COL5A3: variants seen among roughly 807,000 people sequenced by gnomAD.
COL5A3 encodes the protein collagen alpha-3(V) chain.
In COL5A3, 172 loss-of-function variants were observed where a neutral mutation model predicts 250.0. That is an observed-to-expected ratio of 0.69 (90% confidence interval 0.61 to 0.78). The LOEUF (loss-of-function observed/expected upper bound fraction) is 0.78, where lower values mean the gene tolerates loss of function less well. Ranked by LOEUF, COL5A3 falls within the 30% of genes least tolerant of loss-of-function variation. The pLI, the probability that COL5A3 is intolerant of heterozygous loss-of-function variation, is 0.00. For synonymous variants in COL5A3, 937 were observed against 900.4 expected (o/e 1.04, Z -0.73); for missense variants, 2,340 against 2,334.4 (o/e 1.00, Z -0.05).
rs3745583 is a variant in COL5A3, at chr19:9,966,523, G to A, written c.4669+13C>T. 37,684 of 1,541,142 alleles carry A rather than the reference G, an allele frequency of 0.024. 1,053 individuals carry two copies. The highest frequency in any genetic ancestry group is 0.12 in the Admixed American group (6,055 of 51,182). On this transcript the variant is annotated intron_variant, in intron 63 of 66. Transcript: ENST00000264828. ...ACTCCGCCCATCCAAGTGGCGGGGG[G>A]ACCGGACCTCACCATCAGGCAGGTG...
At chr19:10,005,465 G>T in intron 4 of COL5A3, 93 bp downstream of exon 4, 2 of 1,318,264 alleles carry the variant, frequency 1.5e-6, no homozygotes, top group Non-Finnish European at 2.2e-6. Context: ...ATTGAAGCTT[G>T]ACATCTTCCT....
intron 24 of COL5A3, among the ~76,000 whole-genome samples, chr19:9,991,249 C>T (rs111986104): frequency 0.027 from 4,165 of 151,912 alleles, 191 homozygotes; most frequent in African/African-American, 0.095. Context: ...CCACACCCCC[C>T]AAAAAAAGAT....
chr19:10,001,489 C>T (rs1302614567), intron 8 of COL5A3, 35 bp downstream of exon 8: 11 of 1,607,784 alleles, frequency 6.8e-6, no homozygotes, highest in Middle Eastern at 1.7e-4. Flanking sequence ...GAATCCCACT[C>T]TCTTGCACCT....
intron 11 of COL5A3, chr19:9,996,948 G>A (rs1425975961): frequency 1.8e-6 from 1 of 549,052 alleles, no homozygotes; most frequent in African/African-American, 2.0e-5. Context: ...GAGACATACA[G>A]AGACAGAAAC....
chr19:9,982,317 CCTTTGCACTGGCT>C (rs2087022861), intron 31 of COL5A3, among the ~76,000 whole-genome samples, 199 bp from the exon 32 acceptor site: 1 of 152,052 alleles, frequency 6.6e-6, no homozygotes, highest in Non-Finnish European at 1.5e-5. Context: ...TCACTGCAGC[CCTTTGCACTGGCT>C]GCTGTCTTTG....
At chr19:9,984,818 T>C (rs1303535371) in intron 31 of COL5A3, among the ~76,000 whole-genome samples, 1 of 151,516 alleles carries the variant, frequency 6.6e-6, no homozygotes, top group Non-Finnish European at 1.5e-5. Context: ...TGAGACAGAG[T>C]CCCCCTCTGT....
At chr19:9,990,883 G>A (rs2087179480) in intron 24 of COL5A3, among the ~76,000 whole-genome samples, 1 of 152,108 alleles carries the variant, frequency 6.6e-6, no homozygotes, top group Non-Finnish European at 1.5e-5. Flanking sequence ...AATTAAAACA[G>A]TGCAAGAGAC....
In COL5A3 at chr19:9,967,212, C is replaced by A; in HGVS notation, c.4458+135G>T. ...GTTTTACAGGGAACTACCCTCTTCA[C>A]CTACATCCTCTGAACACCTAGTGTG... On this transcript the variant is annotated intron_variant, in intron 62 of 66. Coordinates refer to ENST00000264828, the MANE Select transcript of COL5A3 (RefSeq NM_015719.4). The A allele has an allele frequency of 4.7e-6, 3 of 642,272 alleles. No homozygotes were observed. In the South Asian group the frequency reaches 9.4e-5, roughly 20 times the overall value. The allele number at this position is 642,272 out of a possible 1,614,324, so 39.8% of individuals were successfully genotyped here.
intron 45 of COL5A3, among the ~76,000 whole-genome samples, chr19:9,975,242 T>A (rs79895230): frequency 6.7e-6 from 1 of 149,414 alleles, no homozygotes; most frequent in African/African-American, 2.5e-5. Flanking sequence ...GCCCAGCAAA[T>A]TTTTTTTTTG....
chr19:9,963,762 T>G (rs935590967), intron 64 of COL5A3, among the ~76,000 whole-genome samples: 5 of 152,072 alleles, frequency 3.3e-5, no homozygotes, highest in Non-Finnish European at 7.4e-5. Context: ...TAGTAATTGT[T>G]TAGGGATCAA....
intron 57 of COL5A3, among the ~76,000 whole-genome samples, 183 bp downstream of exon 57, chr19:9,969,166 A>G (rs1306344142): frequency 6.6e-6 from 1 of 152,026 alleles, no homozygotes; most frequent in Non-Finnish European, 1.5e-5. Context: ...AGAGGGTTAT[A>G]GAGATGGGCA....
rs1003776319 is a variant in COL5A3 at position 9,991,022 on chromosome 19, C to T, written c.1992+588G>A. On this transcript the variant is annotated intron_variant, in intron 24 of 66. Transcript: ENST00000264828. ...GATGAACTGCATGAGCCCAGGAGTT[C>T]AAGACCAGCCTGGGCAACACAGGCA... Among the ~76,000 whole-genome samples, 3 of 152,040 alleles carry T rather than the reference C, an allele frequency of 2.0e-5. No individual in the cohort carries two copies. In the South Asian group the frequency reaches 6.2e-4, roughly 32 times the overall value.
In COL5A3 at chr19:9,966,328, T is replaced by C. The variant is rs1446736220; in HGVS notation, c.4768A>G (p.Lys1590Glu). Residue 1590 changes from lysine (K) to glutamate (E), a missense_variant, in exon 64 of 67, where the codon AAG becomes GAG. Coordinates refer to ENST00000264828, the MANE Select transcript of COL5A3 (RefSeq NM_015719.4). Reference sequence around the variant, plus strand: ...GGGTTACTCACGATCTCAAACTTCTTGTCGGGATAGAGGCAGGTCTCTCCT... The same window carrying C: ...GGGTTACTCACGATCTCAAACTTCTCGTCGGGATAGAGGCAGGTCTCTCCT... ...AGGETCLYPD[K>E]KFEIVKLASW... 6 of 1,606,880 alleles carry C rather than the reference T, an allele frequency of 3.7e-6. No individual in the cohort carries two copies. In the South Asian group the frequency reaches 5.6e-5, roughly 15 times the overall value.
intron 53 of COL5A3, 59 bp from the exon 54 acceptor site, chr19:9,970,734 T>C: frequency 7.5e-7 from 1 of 1,336,814 alleles, no homozygotes; most frequent in Non-Finnish European, 9.8e-7. Context: ...GCCTGACTGT[T>C]TTAGGACGCC....
In COL5A3 at chr19:9,960,861, T is replaced by C; in HGVS notation, c.4881A>G (p.Pro1627=). The C allele has an allele frequency of 6.2e-7, 1 of 1,609,454 alleles. No individual in the cohort carries two copies. The highest frequency in any genetic ancestry group is 8.5e-7 in the Non-Finnish European group (1 of 1,179,984). Residue 1627 remains proline, a synonymous_variant, in exon 66 of 67, where the codon CCA becomes CCG. Transcript: ENST00000264828. ...KFSYVDADGS[P]VNVVQLNFLK... is the part of the protein sequence containing the mutation. Reference sequence around the variant, plus strand: ...GGAAGTTCAGCTGCACGACATTCACTGGGGACCCGTCGGCGTCCACGTAGG... The same window carrying C: ...GGAAGTTCAGCTGCACGACATTCACCGGGGACCCGTCGGCGTCCACGTAGG...
intron 52 of COL5A3, 75 bp downstream of exon 52, chr19:9,971,130 C>A: frequency 1.4e-6 from 2 of 1,405,966 alleles, no homozygotes; most frequent in South Asian, 2.8e-5. Context: ...ACTGTCAGTG[C>A]CCAGGTCTGT....
At position 9,984,497 on chromosome 19, in the gene COL5A3, A is replaced by G. The variant is rs536201900; in HGVS notation, c.2406+1345T>C. On this transcript the variant is annotated intron_variant, in intron 31 of 66. Transcript: ENST00000264828. ...CGTTTTTGCATAAGTACATTTGACTATAAGTTATAATTAATTCAAGATATG... is the reference window on the plus strand; with the variant it reads ...CGTTTTTGCATAAGTACATTTGACTGTAAGTTATAATTAATTCAAGATATG... Among the ~76,000 whole-genome samples, 194 of 152,342 alleles carry G rather than the reference A, an allele frequency of 1.3e-3. 1 individual carries two copies. Among genetic ancestry groups the G allele is most frequent in the Non-Finnish European group, 1.4e-3 (93 of 68,038 alleles).
At chr19:9,963,055 C>A (rs1230287553) in intron 64 of COL5A3, among the ~76,000 whole-genome samples, 168 bp from the exon 65 acceptor site, 2 of 152,120 alleles carry the variant, frequency 1.3e-5, no homozygotes, top group African/African-American at 4.8e-5. Context: ...GAGGTTCATG[C>A]CCCTGAGGCA....
intron 8 of COL5A3, among the ~76,000 whole-genome samples, chr19:10,000,448 A>G (rs2087343506): frequency 1.0e-5 from 1 of 98,046 alleles, no homozygotes; most frequent in African/African-American, 3.7e-5. Context: ...GCAGCCAGAG[A>G]GCTCTTTTTT....
Sources: gnomAD v4.1 joint callset for allele counts (sites outside exome capture counted in the v4.1 genomes callset) on GRCh38, gnomAD v4.1.1 for gene constraint, MANE v1.5 for transcripts, NCBI Gene and HGNC (gene_info 2026-07-23, HGNC 2026-07-21) for gene names.